GLG1: variants seen among roughly 807,000 people sequenced by gnomAD.
GLG1 encodes the protein Golgi apparatus protein 1.
Under a neutral mutation model 160.5 loss-of-function variants are expected in GLG1, and 38 were observed. The ratio of observed to expected loss-of-function variants is 0.24; its 90% CI spans 0.18 to 0.31. The LOEUF is 0.31. GLG1 is among the 10% of genes least tolerant of loss of function. The pLI, the probability that GLG1 is intolerant of heterozygous loss-of-function variation, is 1.00. For synonymous variants in GLG1, 644 were observed against 543.4 expected, an observed-to-expected ratio of 1.19 and a Z score of -2.57; for missense variants, 1,373 against 1,505.2, an observed-to-expected ratio of 0.91 and a Z score of 1.45.
rs537743726 is a variant in GLG1, at chr16:74,553,675, A to G, written c.439-21522T>C. Among the ~76,000 whole-genome samples the G allele has an allele frequency of 9.8e-3, 1,483 of 151,910 alleles. 14 individuals carry two copies. The highest frequency in any genetic ancestry group is 0.015 in the Non-Finnish European group (987 of 67,930). ...CTTTTAGTAGAGACGGGGTTTCACCATGTTAGCCAGGATGGTCTCGATCTC... is the reference window on the plus strand; with the variant it reads ...CTTTTAGTAGAGACGGGGTTTCACCGTGTTAGCCAGGATGGTCTCGATCTC... On this transcript the variant is annotated intron_variant, in intron 1 of 25. Transcript: ENST00000422840.
intron 2 of GLG1, among the ~76,000 whole-genome samples, chr16:74,528,320 G>A (rs1255587897): frequency 2.6e-5 from 4 of 151,910 alleles, no homozygotes; most frequent in Admixed American, 2.6e-4. Flanking sequence ...TTTTTAAAGG[G>A]GTATTTTTTG....
At chr16:74,574,706 A>G (rs2018935341) in intron 1 of GLG1, among the ~76,000 whole-genome samples, 1 of 150,954 alleles carries the variant, frequency 6.6e-6, no homozygotes, top group Non-Finnish European at 1.5e-5. Context: ...AACACGGTAA[A>G]ATGCCATTTC....
At position 74,465,166 on chromosome 16, in the gene GLG1, G is replaced by A. The variant is rs993696205; in HGVS notation, c.2667+510C>T. On this transcript the variant is annotated intron_variant, in intron 19 of 25. Coordinates refer to ENST00000422840, the MANE Select transcript of GLG1 (RefSeq NM_001145667.2). Reference sequence around the variant, plus strand: ...ACCTTGAGTTTAATGTATGTGTGGCGAGATCAGGGAACTGACATCTAGGTA... The same window carrying A: ...ACCTTGAGTTTAATGTATGTGTGGCAAGATCAGGGAACTGACATCTAGGTA... 3.3e-5 allele frequency among the ~76,000 whole-genome samples: 5 copies of A among 152,286 alleles called. No homozygotes were observed. In the South Asian group the frequency reaches 6.2e-4, roughly 19 times the overall value.
chr16:74,473,289 C>A (rs1597238585), intron 13 of GLG1, among the ~76,000 whole-genome samples: 1 of 152,074 alleles, frequency 6.6e-6, no homozygotes, highest in East Asian at 1.9e-4. Flanking sequence ...TCTCGGCTCA[C>A]TGCAACCTCC....
chr16:74,531,248 T>C (rs2017521963), intron 2 of GLG1, among the ~76,000 whole-genome samples: 1 of 152,188 alleles, frequency 6.6e-6, no homozygotes, highest in Non-Finnish European at 1.5e-5. Flanking sequence ...ATCTACCTTC[T>C]ATAATGTGAT....
chr16:74,459,774 C>G lies in GLG1; in HGVS notation c.3052G>C (p.Ala1018Pro). Residue 1018 changes from alanine to proline, a missense_variant, in exon 23 of 26, where the codon GCT becomes CCT. Transcript: ENST00000422840. ...HCSDEISSLC[A>P]EEAAAQEQTG... Reference sequence around the variant, plus strand: ...TGCTCTTGGGCTGCTGCTTCTTCAGCACATAGACTGGAGATCTGTTCAGGA... The same window carrying G: ...TGCTCTTGGGCTGCTGCTTCTTCAGGACATAGACTGGAGATCTGTTCAGGA... The G allele has an allele frequency of 6.3e-7, 1 of 1,597,026 alleles. No individual in the cohort carries two copies. The highest frequency in any genetic ancestry group is 8.6e-7 in the Non-Finnish European group (1 of 1,166,548).
At position 74,485,960 on chromosome 16, in the gene GLG1, G is replaced by C. The variant is rs760365273; in HGVS notation, c.1450-43C>G. The C allele has an allele frequency of 2.6e-6, 4 of 1,557,450 alleles. No homozygotes were observed. The South Asian group carries it at 3.4e-5, about 13-fold the overall frequency. The stretch of plus-strand genomic sequence containing the variant: ...AAGAAGGAAGAAAGAAAGTCACTTA[G>C]GTGCTAGGTAAGAGCAGTGTCTTCA... On this transcript the variant is annotated intron_variant, in intron 8 of 25. Coordinates refer to ENST00000422840, the MANE Select transcript of GLG1 (RefSeq NM_001145667.2).
chr16:74,479,099 C>T (rs1402798999), intron 11 of GLG1, among the ~76,000 whole-genome samples: 12 of 122,220 alleles, frequency 9.8e-5, no homozygotes, highest in African/African-American at 3.7e-4. Context: ...ACGGCAGGCA[C>T]CCGTAATCCC....
At chr16:74,541,728 A>C (rs867104594) in intron 1 of GLG1, among the ~76,000 whole-genome samples, 3 of 152,232 alleles carry the variant, frequency 2.0e-5, no homozygotes, top group Non-Finnish European at 4.4e-5. Flanking sequence ...CCAAGAGGCC[A>C]TGCTTCATAC....
chr16:74,483,024 T>G lies in GLG1; in HGVS notation c.1672A>C (p.Lys558Gln), dbSNP rs1194987949. The change falls in exon 10 of 26, where the codon AAG (lysine) becomes CAG (glutamine). Residue 558 changes from lysine (K) to glutamine (Q), a missense_variant and splice_region_variant. Physicochemically the swap from Lys to Gln is moderately conservative, Grantham distance 53 (BLOSUM62 1). This residue lies in a region of GLG1 where 386 missense variants were observed against 388.5 expected (regional missense o/e 0.99). Coordinates refer to ENST00000422840, the MANE Select transcript of GLG1 (RefSeq NM_001145667.2). ...ELQYFISRDW[K>Q]LDPVLYRKCQ... ...TTACTTTGGCTTCAAAATACTCACT[T>G]CCAATCCCGGGAGATGAAATACTGC... The G allele has an allele frequency of 6.4e-7, 1 of 1,555,836 alleles. No individual in the cohort carries two copies.
At chr16:74,456,256 G>T (rs2014533716) in intron 25 of GLG1, among the ~76,000 whole-genome samples, 1 of 152,252 alleles carries the variant, frequency 6.6e-6, no homozygotes, top group South Asian at 2.1e-4. Flanking sequence ...AAGCCTTGCA[G>T]ACAGCCCGAT....
At chr16:74,455,388 G>A (rs1220371262) in intron 25 of GLG1, among the ~76,000 whole-genome samples, 1 of 152,142 alleles carries the variant, frequency 6.6e-6, no homozygotes, top group Non-Finnish European at 1.5e-5. Context: ...AACAAGCCGT[G>A]AATTACTCTG....
intron 1 of GLG1, among the ~76,000 whole-genome samples, chr16:74,545,095 T>A (rs890979183): frequency 1.3e-5 from 2 of 152,184 alleles, no homozygotes; most frequent in African/African-American, 4.8e-5. Context: ...CACATTAGGA[T>A]AAACTAGAAA....
intron 1 of GLG1, among the ~76,000 whole-genome samples, chr16:74,591,162 C>G (rs1958173814): frequency 6.6e-6 from 1 of 151,734 alleles, no homozygotes; most frequent in Non-Finnish European, 1.5e-5. Context: ...GAAACCCCGT[C>G]TCTACTAAAA....
intron 1 of GLG1, among the ~76,000 whole-genome samples, chr16:74,596,492 G>A (rs1403759247): frequency 6.6e-6 from 1 of 152,130 alleles, no homozygotes; most frequent in Admixed American, 6.5e-5. Context: ...TCGTGCCATT[G>A]CACTCCAGCC....
intron 24 of GLG1, among the ~76,000 whole-genome samples, chr16:74,457,161 G>A (rs543890240): frequency 1.3e-5 from 2 of 152,308 alleles, no homozygotes; most frequent in Admixed American, 6.5e-5. Context: ...TTGGGAGGCC[G>A]AGGTGGGTGG....
At chr16:74,603,095 A>G (rs79333844) in intron 1 of GLG1, among the ~76,000 whole-genome samples, 14,579 of 150,736 alleles carry the variant, frequency 0.097, 1,109 homozygotes, top group East Asian at 0.36. Context: ...GTCTCAAACA[A>G]CAACAACAAC....
At chr16:74,533,892 C>T (rs1278900497) in intron 1 of GLG1, among the ~76,000 whole-genome samples, 1 of 152,058 alleles carries the variant, frequency 6.6e-6, no homozygotes, top group African/African-American at 2.4e-5. Context: ...GCAAAACATG[C>T]TAGTTTTAAA....
At chr16:74,486,637 A>AT (rs1370666007) in intron 8 of GLG1, among the ~76,000 whole-genome samples, 4 of 151,942 alleles carry the variant, frequency 2.6e-5, no homozygotes, top group African/African-American at 4.8e-5. Context: ...GGTACTTCAC[A>AT]TTTTTTTTCC....
Sources: gnomAD v4.1 joint callset for allele counts (sites outside exome capture counted in the v4.1 genomes callset) on GRCh38, gnomAD v4.1.1 for gene constraint, gnomAD v4.1.1 regional missense constraint, MANE v1.5 for transcripts, NCBI Gene and HGNC (gene_info 2026-07-23, HGNC 2026-07-21) for gene names.